The following PPIP5K1 variants were observed in gnomAD, a reference collection of about 807,000 sequenced individuals.
PPIP5K1 encodes the protein inositol hexakisphosphate and diphosphoinositol-pentakisphosphate kinase 1.
Under a neutral mutation model 27.7 loss-of-function variants are expected in PPIP5K1, and 6 were observed. The observed-to-expected ratio is 0.22, with a 90% CI of 0.12 to 0.43. The LOEUF (loss-of-function observed/expected upper bound fraction) is 0.43, where lower values mean the gene tolerates loss of function less well. Ranked by LOEUF, PPIP5K1 falls within the 20% of genes least tolerant of loss-of-function variation. PPIP5K1 has a pLI of 1.00. For synonymous variants in PPIP5K1, 145 were observed against 242.6 expected, an observed-to-expected ratio of 0.60 and a Z score of 3.74; for missense variants, 394 against 635.4, an observed-to-expected ratio of 0.62 and a Z score of 4.08.
At chr15:43,542,027 G>A (rs2080792358) in intron 30 of PPIP5K1, among the ~76,000 whole-genome samples, 1 of 152,108 alleles carries the variant, frequency 6.6e-6, no homozygotes, top group African/African-American at 2.4e-5. Flanking sequence ...AGGTTAAGGT[G>A]GCACCAACAA....
chr15:43,558,805 C>G lies in PPIP5K1; in HGVS notation c.3546G>C (p.Gln1182His), dbSNP rs753584047. The change falls in exon 30 of 32, where the codon CAG becomes CAC. Residue 1182 changes from glutamine to histidine, a missense_variant. Transcript: ENST00000420765. The part of the protein sequence containing the change: ...VCQRHTDAQA[Q>H]ASAALFDSMH... ...TAAGAATATCCCTACCTGCAGATGC[C>G]TGTGCCTGGGCATCAGTGTGGCGCT... The G allele has an allele frequency of 6.2e-7, 1 of 1,613,916 alleles. No homozygotes were observed. Among genetic ancestry groups the G allele is most frequent in the African/African-American group, 1.3e-5 (1 of 74,914 alleles).
chr15:43,557,636 T>C (rs1341731624), intron 30 of PPIP5K1, among the ~76,000 whole-genome samples: 1 of 151,702 alleles, frequency 6.6e-6, no homozygotes, highest in Admixed American at 6.6e-5. Flanking sequence ...CTTTTCAGGG[T>C]TTTTTCTCTC....
intron 30 of PPIP5K1, among the ~76,000 whole-genome samples, chr15:43,545,474 CTT>C (rs56710390): frequency 1.3e-4 from 15 of 119,060 alleles, no homozygotes; most frequent in East Asian, 2.4e-4. Context: ...CTGTACACTT[CTT>C]TTTTTTTTTT....
At chr15:43,558,671 T>G in intron 30 of PPIP5K1, 124 bp downstream of exon 30, 1 of 1,349,568 alleles carries the variant, frequency 7.4e-7, no homozygotes, top group Non-Finnish European at 1.0e-6. Flanking sequence ...ATTATACATT[T>G]TTAAGTGTAC....
At chr15:43,548,185 G>A (rs1228633090) in intron 30 of PPIP5K1, among the ~76,000 whole-genome samples, 2 of 151,174 alleles carry the variant, frequency 1.3e-5, no homozygotes, top group Non-Finnish European at 2.9e-5. Context: ...TGCAACCTCC[G>A]CCTCCCGGGT....
At position 43,534,709 on chromosome 15, in the gene PPIP5K1, G is replaced by T. The variant is rs1475217633; in HGVS notation, c.4438C>A (p.Leu1480Met). The change falls in exon 32 of 32, where the codon CTG (leucine) becomes ATG (methionine). Residue 1480 changes from leucine to methionine, a missense_variant. Leu to Met is a conservative substitution (Grantham distance 15). Transcript: ENST00000420765. Reference sequence around the variant, plus strand: ...TCCTCAGGGACCTCCTGGGCCTGCAGATCAATCTCCTCAGGGAACTCTTGG... The same window carrying T: ...TCCTCAGGGACCTCCTGGGCCTGCATATCAATCTCCTCAGGGAACTCTTGG... ...PSQEFPEEIDLQAQEVPEEIN is the reference protein window; with the variant it reads ...PSQEFPEEIDMQAQEVPEEIN 6.5e-7 allele frequency: 1 copy of T among 1,528,792 alleles called. No homozygotes were observed. The highest frequency in any genetic ancestry group is 8.8e-7 in the Non-Finnish European group (1 of 1,141,880). 94.7% of individuals were successfully genotyped at this position (1,528,792 alleles called of 1,614,324 possible).
At position 43,558,749 on chromosome 15, in the gene PPIP5K1, G is replaced by A. The variant is rs776865498; in HGVS notation, c.3556+46C>T. 2.5e-6 allele frequency: 4 copies of A among 1,607,424 alleles called. No homozygotes were observed. In the African/African-American group the frequency reaches 5.3e-5, roughly 21 times the overall value. On this transcript the variant is annotated intron_variant, in intron 30 of 31. Coordinates refer to ENST00000420765, the MANE Select transcript of PPIP5K1 (RefSeq NM_001394395.1). The stretch of plus-strand genomic sequence containing the variant: ...TACTTTCTTATATTCTAGGAAGCAT[G>A]GGCATGGGGGCAGAGAGAAGGGTAA...
intron 30 of PPIP5K1, 118 bp downstream of exon 30, chr15:43,558,677 T>C: frequency 7.4e-7 from 1 of 1,359,436 alleles, no homozygotes; most frequent in Non-Finnish European, 1.0e-6. Flanking sequence ...CATTTTTAAG[T>C]GTACTTTTGT....
intron 30 of PPIP5K1, among the ~76,000 whole-genome samples, chr15:43,541,622 C>G (rs533826130): frequency 2.6e-5 from 4 of 151,524 alleles, no homozygotes; most frequent in Admixed American, 1.3e-4. Flanking sequence ...GAGGCTGAAG[C>G]AGGAGAATCA....
chr15:43,547,087 T>C (rs921509323), intron 30 of PPIP5K1, among the ~76,000 whole-genome samples: 3 of 152,240 alleles, frequency 2.0e-5, no homozygotes, highest in Non-Finnish European at 4.4e-5. Flanking sequence ...TTATTTTTAA[T>C]GGCTATCCGG....
intron 30 of PPIP5K1, among the ~76,000 whole-genome samples, chr15:43,542,292 T>TAA (rs2080829150): frequency 1.2e-5 from 1 of 84,132 alleles, no homozygotes; most frequent in Non-Finnish European, 3.0e-5. Context: ...CTTATTTACT[T>TAA]AATTTTGGCG....
At chr15:43,536,078 G>A in intron 31 of PPIP5K1, 7 of 1,282,616 alleles carry the variant, frequency 5.5e-6, no homozygotes, top group Non-Finnish European at 6.1e-6. Flanking sequence ...TGATAAGTTG[G>A]CAGAAGAATG....
At chr15:43,586,983 G>GT (rs905753028) in intron 1 of PPIP5K1, among the ~76,000 whole-genome samples, 1 of 102,142 alleles carries the variant, frequency 9.8e-6, no homozygotes, top group Non-Finnish European at 2.2e-5. Flanking sequence ...AACTGTACCA[G>GT]TAAGAATATC....
rs566751478 is a variant in PPIP5K1 at position 43,550,083 on chromosome 15, G to A, written c.3556+8712C>T. Reference sequence around the variant, plus strand: ...AGCCTCTCAAAGTGCCAGGATTACAGGTACAAGCCACTGAGCCCGGCCCAC... The same window carrying A: ...AGCCTCTCAAAGTGCCAGGATTACAAGTACAAGCCACTGAGCCCGGCCCAC... On this transcript the variant is annotated intron_variant, in intron 30 of 31. Transcript: ENST00000420765. 1.0e-3 allele frequency among the ~76,000 whole-genome samples: 157 copies of A among 152,232 alleles called. 1 individual carries two copies. Among genetic ancestry groups the A allele is most frequent in the Middle Eastern group, 6.8e-3 (2 of 294 alleles).
At chr15:43,579,672 T>A (rs1471301146) in intron 10 of PPIP5K1, among the ~76,000 whole-genome samples, 2 of 51,468 alleles carry the variant, frequency 3.9e-5, no homozygotes, top group African/African-American at 4.7e-4. Context: ...TTTTTTTTTT[T>A]TTTTTTTGAG....
chr15:43,557,486 T>C (rs1186734072), intron 30 of PPIP5K1, among the ~76,000 whole-genome samples: 1 of 152,066 alleles, frequency 6.6e-6, no homozygotes, highest in Non-Finnish European at 1.5e-5. Context: ...TGCCAGTGCT[T>C]TGAGAGGCCA....
intron 30 of PPIP5K1, among the ~76,000 whole-genome samples, chr15:43,545,051 G>A (rs536747541): frequency 1.3e-5 from 2 of 151,992 alleles, no homozygotes; most frequent in East Asian, 1.9e-4. Context: ...AGTGGTGGGC[G>A]CCTGTAGTCC....
chr15:43,549,159 G>T (rs1197418608), intron 30 of PPIP5K1, among the ~76,000 whole-genome samples: 2 of 145,384 alleles, frequency 1.4e-5, no homozygotes, highest in Non-Finnish European at 3.0e-5. Flanking sequence ...CAATCCTTCT[G>T]CCTCAGCCTC....
In PPIP5K1 at chr15:43,536,114, A is replaced by G. The variant is rs2079809536; in HGVS notation, c.3671-638T>C. ...TAGAAAAACCATGTAAATCAGAACA[A>G]TAGGAAAGAAAATGGTTTACCTGGC... On this transcript the variant is annotated intron_variant, in intron 31 of 31. Coordinates refer to ENST00000420765, the MANE Select transcript of PPIP5K1 (RefSeq NM_001394395.1). 3.1e-6 allele frequency: 4 copies of G among 1,286,694 alleles called. No individual in the cohort carries two copies. In the South Asian group the frequency reaches 3.7e-5, roughly 12 times the overall value. The allele number at this position is 1,286,694 out of a possible 1,614,324, so 79.7% of individuals were successfully genotyped here. A position where few individuals can be genotyped will look rare whatever the true frequency, so the allele number is the denominator to read the frequency against.
Sources: allele counts gnomAD v4.1 joint callset (sites outside exome capture counted in the v4.1 genomes callset), GRCh38; gene constraint gnomAD v4.1.1; transcripts MANE v1.5; gene names NCBI Gene and HGNC (gene_info 2026-07-23, HGNC 2026-07-21).